MAPK10: variants seen among roughly 807,000 people sequenced by gnomAD.
MAPK10 encodes the protein mitogen-activated protein kinase 10.
A neutral mutation model predicts 59.3 loss-of-function variants in MAPK10; 25 were observed. The ratio of observed to expected loss-of-function variants is 0.42; its 90% CI spans 0.31 to 0.59. The LOEUF (loss-of-function observed/expected upper bound fraction) is 0.59, where lower values mean the gene tolerates loss of function less well. Ranked by LOEUF, MAPK10 falls within the 20% of genes least tolerant of loss-of-function variation. The pLI, the probability that MAPK10 is intolerant of heterozygous loss-of-function variation, is 0.15. For missense variants in MAPK10, 351 were observed against 568.9 expected, an observed-to-expected ratio of 0.62 and a Z score of 3.90; for synonymous variants, 190 against 200.5, an observed-to-expected ratio of 0.95 and a Z score of 0.44.
intron 2 of MAPK10, among the ~76,000 whole-genome samples, chr4:86,291,022 T>C (rs1462150653): frequency 6.6e-6 from 1 of 152,124 alleles, no homozygotes; most frequent in African/African-American, 2.4e-5. Flanking sequence ...GACTGAAAAC[T>C]TGTAAATAGG....
chr4:86,167,159 T>C (rs1473151978), intron 3 of MAPK10, among the ~76,000 whole-genome samples: 2 of 152,092 alleles, frequency 1.3e-5, no homozygotes, highest in African/African-American at 4.8e-5. Flanking sequence ...TTTCCAAGAC[T>C]AAACCAGGAA....
intron 1 of MAPK10, among the ~76,000 whole-genome samples, chr4:86,368,847 T>C (rs192659907): frequency 6.6e-6 from 1 of 151,230 alleles, no homozygotes; most frequent in Non-Finnish European, 1.5e-5. Context: ...TATTGTAAAA[T>C]AATATCAAAG....
intron 1 of MAPK10, among the ~76,000 whole-genome samples, chr4:86,485,799 T>A (rs1753941042): frequency 1.3e-5 from 2 of 152,154 alleles, no homozygotes; most frequent in African/African-American, 4.8e-5. Flanking sequence ...AGGACTATTG[T>A]CCTTATAAGC....
intron 1 of MAPK10, among the ~76,000 whole-genome samples, chr4:86,478,600 G>A (rs548577310): frequency 2.0e-4 from 30 of 152,058 alleles, no homozygotes; most frequent in Non-Finnish European, 3.1e-4. Context: ...CTCACTCTTT[G>A]TTGAGTCTCC....
intron 1 of MAPK10, among the ~76,000 whole-genome samples, chr4:86,502,239 C>G (rs1755384836): frequency 1.3e-5 from 2 of 151,950 alleles, no homozygotes; most frequent in African/African-American, 4.8e-5. Flanking sequence ...CACCCCCATT[C>G]TATTGCCATA....
intron 1 of MAPK10, among the ~76,000 whole-genome samples, chr4:86,440,990 A>G (rs1749347566): frequency 6.6e-6 from 1 of 152,224 alleles, no homozygotes; most frequent in South Asian, 2.1e-4. Context: ...AAATAAAAGC[A>G]TCATAATTAA....
chr4:86,449,773 C>T (rs1406244608), intron 1 of MAPK10, among the ~76,000 whole-genome samples: 1 of 152,222 alleles, frequency 6.6e-6, no homozygotes, highest in Admixed American at 6.5e-5. Context: ...GTGATTGTTA[C>T]ATTATATGAG....
intron 2 of MAPK10, among the ~76,000 whole-genome samples, chr4:86,278,689 G>A (rs974978002): frequency 6.6e-6 from 1 of 152,026 alleles, no homozygotes; most frequent in African/African-American, 2.4e-5. Flanking sequence ...AGTGATCAAT[G>A]TTAACATCAC....
chr4:86,424,150 A>G (rs903275944), intron 1 of MAPK10, among the ~76,000 whole-genome samples: 10 of 151,996 alleles, frequency 6.6e-5, no homozygotes, highest in African/African-American at 2.2e-4. Context: ...CCCACACTCC[A>G]GTTCAGACCG....
intron 2 of MAPK10, among the ~76,000 whole-genome samples, chr4:86,334,061 A>G (rs1170868329): frequency 6.6e-6 from 1 of 152,112 alleles, no homozygotes; most frequent in Non-Finnish European, 1.5e-5. Context: ...AACAATAAAC[A>G]TATGTATGCA....
At chr4:86,168,059 T>C (rs944654756) in intron 3 of MAPK10, among the ~76,000 whole-genome samples, 1 of 152,152 alleles carries the variant, frequency 6.6e-6, no homozygotes, top group Non-Finnish European at 1.5e-5. Flanking sequence ...TGTGCAAAAG[T>C]TACAAGCATT....
intron 9 of MAPK10, chr4:86,095,779 C>A (rs1175427459): frequency 6.6e-6 from 1 of 151,732 alleles, no homozygotes; most frequent in Non-Finnish European, 1.5e-5. Flanking sequence ...TCAAAATTAA[C>A]AAAGCACATT....
At chr4:86,297,723 C>T (rs899514325) in intron 2 of MAPK10, among the ~76,000 whole-genome samples, 2 of 142,600 alleles carry the variant, frequency 1.4e-5, no homozygotes, top group African/African-American at 5.1e-5. Context: ...TGTTATTACC[C>T]GGACGATTTT....
chr4:86,386,047 T>C (rs915658390), intron 1 of MAPK10, among the ~76,000 whole-genome samples: 2 of 152,168 alleles, frequency 1.3e-5, no homozygotes, highest in Admixed American at 6.5e-5. Flanking sequence ...GAAAGTACAA[T>C]GTACAAAAGA....
intron 1 of MAPK10, among the ~76,000 whole-genome samples, chr4:86,444,695 A>G (rs1749811275): frequency 6.6e-6 from 1 of 151,940 alleles, no homozygotes; most frequent in African/African-American, 2.4e-5. Context: ...TCCAGAATCT[A>G]CAGGGGACTT....
intron 2 of MAPK10, among the ~76,000 whole-genome samples, chr4:86,210,425 G>GA (rs1292651808): frequency 2.6e-5 from 4 of 151,612 alleles, no homozygotes; most frequent in Non-Finnish European, 5.9e-5. Flanking sequence ...GACTCTATTA[G>GA]AAAAAAATTG....
intron 11 of MAPK10, among the ~76,000 whole-genome samples, chr4:86,050,426 G>C (rs913733210): frequency 9.9e-5 from 15 of 152,096 alleles, no homozygotes; most frequent in Non-Finnish European, 1.5e-5. Context: ...GGTATGATGA[G>C]ACTTTGAGTC....
chr4:86,362,626 G>T (rs369464166), upstream of MAPK10, among the ~76,000 whole-genome samples: 11 of 151,826 alleles, frequency 7.2e-5, no homozygotes, highest in African/African-American at 2.7e-4. Context: ...TTGTTTAATG[G>T]GCAAAAGACT....
At chr4:86,131,375 G>C (rs181901607) in intron 4 of MAPK10, among the ~76,000 whole-genome samples, 2 of 152,234 alleles carry the variant, frequency 1.3e-5, no homozygotes, top group East Asian at 3.9e-4. Context: ...TGCAGAATGT[G>C]GGATTGAACT....
Sources: allele counts gnomAD v4.1 joint callset (sites outside exome capture counted in the v4.1 genomes callset), GRCh38; gene constraint gnomAD v4.1.1; transcripts MANE v1.5; gene names NCBI Gene and HGNC (gene_info 2026-07-23, HGNC 2026-07-21).